Variants in ELF1 observed in about 807,000 individuals in gnomAD.
ELF1 encodes the protein E74 like ETS transcription factor 1.
ELF1 carries 24 observed loss-of-function variants against 59.9 expected under a neutral mutation model. The observed-to-expected ratio is 0.40, with a 90% CI of 0.29 to 0.56. The LOEUF (loss-of-function observed/expected upper bound fraction) is 0.56. Among genes scored for constraint, ELF1 ranks in the 20% least tolerant of loss-of-function variants. The pLI, the probability that ELF1 is intolerant of heterozygous loss-of-function variation, is 0.44. For missense variants in ELF1, 627 were observed against 742.2 expected (o/e 0.84, Z 1.80); for synonymous variants, 248 against 266.2 (o/e 0.93, Z 0.67).
In ELF1 at chr13:40,951,309, A is replaced by C. The variant is rs1446304211; in HGVS notation, c.361+20T>G. On this transcript the variant is annotated intron_variant, in intron 4 of 8. Transcript: ENST00000239882. ...GTAACTTAACAAAGTACATAAACAT[A>C]AACAATCATAATCACTCACTTATTC... is the stretch of plus-strand genomic sequence containing the variant. 1 of 1,576,858 alleles carries C rather than the reference A, an allele frequency of 6.3e-7. No individual in the cohort carries two copies. The highest frequency in any genetic ancestry group is 1.7e-5 in the Admixed American group (1 of 58,548).
At chr13:40,959,261 C>T (rs369224087) in intron 2 of ELF1, among the ~76,000 whole-genome samples, 3 of 152,052 alleles carry the variant, frequency 2.0e-5, no homozygotes, top group Non-Finnish European at 2.9e-5. Flanking sequence ...CTCTGGGAGG[C>T]CGAGGCAGGC....
At chr13:41,031,862 A>G (rs1265743104) in intron 1 of ELF1, among the ~76,000 whole-genome samples, 1 of 151,210 alleles carries the variant, frequency 6.6e-6, no homozygotes, top group Non-Finnish European at 1.5e-5. Flanking sequence ...AAATTGTTAT[A>G]TAATTTGCTA....
At position 41,044,420 on chromosome 13, in the gene ELF1, G is replaced by A. The variant is rs975581785; in HGVS notation, c.-229+16418C>T. On this transcript the variant is annotated intron_variant, in intron 1 of 1. Coordinates refer to the ELF1 transcript ENST00000405737. The stretch of plus-strand genomic sequence containing the variant: ...CCAGTTTTTGCCCATTATGATATTG[G>A]CTGTGGGTTTGTCATAAATAGCTCT... Among the ~76,000 whole-genome samples the A allele has an allele frequency of 1.4e-4, 21 of 152,130 alleles. 1 individual carries two copies. The highest frequency in any genetic ancestry group is 5.1e-4 in the African/African-American group (21 of 41,420).
intron 1 of ELF1, among the ~76,000 whole-genome samples, chr13:41,007,231 C>T (rs898859520): frequency 5.3e-5 from 8 of 152,092 alleles, no homozygotes; most frequent in African/African-American, 1.9e-4. Flanking sequence ...GCCCAAGGGG[C>T]TCAACTCAAC....
At chr13:40,946,439 C>T (rs1689191186) in intron 5 of ELF1, among the ~76,000 whole-genome samples, 1 of 152,198 alleles carries the variant, frequency 6.6e-6, no homozygotes, top group African/African-American at 2.4e-5. Flanking sequence ...AACCACTCAT[C>T]TGTTTCCTGT....
intron 8 of ELF1, among the ~76,000 whole-genome samples, chr13:40,935,200 T>C (rs1185432533): frequency 6.6e-6 from 1 of 152,228 alleles, no homozygotes; most frequent in Non-Finnish European, 1.5e-5. Context: ...AAATTTATAG[T>C]TAAGGTTATT....
At chr13:41,006,590 G>A (rs1874773859) in intron 1 of ELF1, among the ~76,000 whole-genome samples, 1 of 152,128 alleles carries the variant, frequency 6.6e-6, no homozygotes, top group Non-Finnish European at 1.5e-5. Context: ...CTTCCTTTCA[G>A]TTTATTCTTA....
chr13:40,965,100 C>T (rs535745318), intron 2 of ELF1, among the ~76,000 whole-genome samples: 1 of 152,266 alleles, frequency 6.6e-6, no homozygotes, highest in African/African-American at 2.4e-5. Context: ...CCCGAAATAA[C>T]TTGTATAAAC....
At chr13:40,937,358 G>A (rs1869849473) in intron 8 of ELF1, among the ~76,000 whole-genome samples, 1 of 152,166 alleles carries the variant, frequency 6.6e-6, no homozygotes, top group Non-Finnish European at 1.5e-5. Flanking sequence ...TCATTTAATT[G>A]TCACAGCCAA....
intron 2 of ELF1, among the ~76,000 whole-genome samples, chr13:40,973,384 T>G (rs899067046): frequency 1.2e-4 from 18 of 152,210 alleles, no homozygotes; most frequent in African/African-American, 4.1e-4. Flanking sequence ...TTTTGGTTAC[T>G]ATTTCTAAAA....
intron 2 of ELF1, among the ~76,000 whole-genome samples, chr13:40,967,472 A>G (rs1872251484): frequency 6.6e-6 from 1 of 152,254 alleles, no homozygotes; most frequent in African/African-American, 2.4e-5. Flanking sequence ...GTGATAATGC[A>G]TGGCATATAG....
intron 1 of ELF1, among the ~76,000 whole-genome samples, chr13:41,037,713 T>C (rs528770434): frequency 6.3e-4 from 96 of 151,476 alleles, no homozygotes; most frequent in African/African-American, 2.3e-3. Context: ...GGAGAATTGC[T>C]GGAACCTGGG....
At chr13:40,959,867 C>G (rs1871705952) in intron 2 of ELF1, among the ~76,000 whole-genome samples, 1 of 152,064 alleles carries the variant, frequency 6.6e-6, no homozygotes, top group African/African-American at 2.4e-5. Flanking sequence ...GAAACTGACC[C>G]AGAGAGGGTT....
Position 40,982,284 on chromosome 13 carries a change from T to TA in ELF1, c.-228-3dup. ...TTTTCTTCTCTCAAGCTTCTTGGCC[T>TA]AAAAAACAAAAGCTCAGATTAGTTA... On this transcript the variant is annotated splice_polypyrimidine_tract_variant and splice_region_variant and intron_variant, in intron 1 of 8. Coordinates refer to ENST00000239882, the MANE Select transcript of ELF1 (RefSeq NM_172373.4). The TA allele has an allele frequency of 1.6e-6, 2 of 1,249,036 alleles. No individual in the cohort carries two copies. The highest frequency in any genetic ancestry group is 2.0e-6 in the Non-Finnish European group (2 of 994,986). 77.4% of individuals were successfully genotyped at this position (1,249,036 alleles called of 1,614,324 possible). A position where few individuals can be genotyped will look rare whatever the true frequency, so the allele number is the denominator to read the frequency against.
intron 1 of ELF1, among the ~76,000 whole-genome samples, chr13:41,060,573 C>G (rs781447229): frequency 2.1e-4 from 32 of 152,176 alleles, no homozygotes; most frequent in Admixed American, 4.6e-4. Context: ...GCGTGGCACT[C>G]GAGGCTCCAA....
intron 1 of ELF1, among the ~76,000 whole-genome samples, chr13:40,988,596 T>C (rs1340131359): frequency 6.6e-6 from 1 of 152,206 alleles, no homozygotes; most frequent in Non-Finnish European, 1.5e-5. Context: ...AGAGGGTTTG[T>C]AGATTTCCCT....
chr13:40,983,601 T>C (rs1873400490), intron 1 of ELF1, among the ~76,000 whole-genome samples: 1 of 152,178 alleles, frequency 6.6e-6, no homozygotes, highest in Non-Finnish European at 1.5e-5. Context: ...ATCCACTCCC[T>C]TTTAACAGGA....
At chr13:40,985,928 A>T (rs758746134) in intron 1 of ELF1, among the ~76,000 whole-genome samples, 6 of 152,216 alleles carry the variant, frequency 3.9e-5, no homozygotes, top group Non-Finnish European at 8.8e-5. Flanking sequence ...GAAAAACATA[A>T]GTGAAACTAC....
intron 1 of ELF1, among the ~76,000 whole-genome samples, chr13:40,993,754 G>A (rs1339597381): frequency 4.6e-5 from 7 of 152,002 alleles, no homozygotes; most frequent in Admixed American, 4.6e-4. Context: ...CAAAGTGCTG[G>A]GATTATAGGC....
Sources: gnomAD v4.1 joint callset for allele counts (sites outside exome capture counted in the v4.1 genomes callset) on GRCh38, gnomAD v4.1.1 for gene constraint, MANE v1.5 for transcripts, NCBI Gene and HGNC (gene_info 2026-07-23, HGNC 2026-07-21) for gene names.